SNX7: variants seen among roughly 807,000 people sequenced by gnomAD.
The protein encoded by SNX7 is sorting nexin 7.
A neutral mutation model predicts 48.4 loss-of-function variants in SNX7; 35 were observed. The ratio of observed to expected loss-of-function variants is 0.72; its 90% CI spans 0.55 to 0.96. The LOEUF is 0.96. SNX7 is among the 40% of genes least tolerant of loss of function. The pLI, the probability that SNX7 is intolerant of heterozygous loss-of-function variation, is 0.00. For missense variants in SNX7, 553 were observed against 548.9 expected (o/e 1.01, Z -0.07); for synonymous variants, 190 against 190.2 (o/e 1.00, Z 0.01).
intron 1 of SNX7, among the ~76,000 whole-genome samples, chr1:98,677,969 GTA>G (rs1396569612): frequency 6.7e-6 from 1 of 148,912 alleles, no homozygotes; most frequent in African/African-American, 2.5e-5. Flanking sequence ...ATCTAGAGCT[GTA>G]TGAGTCTGTG....
At chr1:98,690,290 A>G (rs1009904470) in intron 2 of SNX7, among the ~76,000 whole-genome samples, 8 of 152,106 alleles carry the variant, frequency 5.3e-5, no homozygotes, top group African/African-American at 1.7e-4. Flanking sequence ...GTGAGTGTAC[A>G]TTAGATAACT....
At chr1:98,724,259 C>T (rs911667953) in intron 7 of SNX7, among the ~76,000 whole-genome samples, 31 of 151,940 alleles carry the variant, frequency 2.0e-4, no homozygotes, top group Admixed American at 1.6e-3. Context: ...CTTGGGGCCC[C>T]GGGTAAACCC....
At chr1:98,696,862 A>T (rs1260696469) in intron 5 of SNX7, among the ~76,000 whole-genome samples, 1 of 152,098 alleles carries the variant, frequency 6.6e-6, no homozygotes, top group African/African-American at 2.4e-5. Flanking sequence ...TTGGTAGTTA[A>T]GAGCTTTATA....
intron 8 of SNX7, among the ~76,000 whole-genome samples, chr1:98,747,916 A>G (rs915341459): frequency 3.3e-5 from 5 of 150,330 alleles, no homozygotes; most frequent in Admixed American, 3.3e-4. Context: ...GTTTCCATCT[A>G]GTTTTGAACC....
chr1:98,711,213 C>T (rs1209969979), intron 7 of SNX7, among the ~76,000 whole-genome samples: 3 of 151,988 alleles, frequency 2.0e-5, no homozygotes, highest in African/African-American at 4.8e-5. Context: ...GACAGGGTTT[C>T]GCCATGTTGG....
intron 7 of SNX7, among the ~76,000 whole-genome samples, chr1:98,703,803 G>A (rs1651879779): frequency 6.6e-6 from 1 of 151,966 alleles, no homozygotes; most frequent in South Asian, 2.1e-4. Context: ...TGCATCTTTT[G>A]AATTTTAGAA....
At chr1:98,672,282 A>G (rs938661222) in intron 1 of SNX7, among the ~76,000 whole-genome samples, 2 of 151,776 alleles carry the variant, frequency 1.3e-5, no homozygotes, top group Non-Finnish European at 2.9e-5. Flanking sequence ...TGAAGCAGTA[A>G]CCCCTAACTG....
chr1:98,710,570 G>C (rs1652249196), intron 7 of SNX7, among the ~76,000 whole-genome samples: 2 of 152,158 alleles, frequency 1.3e-5, no homozygotes, highest in South Asian at 4.1e-4. Flanking sequence ...TTGGATTTGT[G>C]GTGTGTTTTA....
intron 2 of SNX7, among the ~76,000 whole-genome samples, chr1:98,685,857 C>G (rs895177031): frequency 1.3e-5 from 2 of 152,092 alleles, no homozygotes; most frequent in African/African-American, 4.8e-5. Context: ...TATCTTATTT[C>G]TTCACTTGAA....
chr1:98,689,083 T>G (rs1650968730), intron 2 of SNX7, among the ~76,000 whole-genome samples: 1 of 152,126 alleles, frequency 6.6e-6, no homozygotes, highest in Non-Finnish European at 1.5e-5. Context: ...TTTTGTATTT[T>G]TAGTAAAGAT....
At chr1:98,757,253 A>G (rs1002206510) in intron 8 of SNX7, among the ~76,000 whole-genome samples, 2 of 152,106 alleles carry the variant, frequency 1.3e-5, no homozygotes, top group Non-Finnish European at 2.9e-5. Context: ...GAACAGCCCA[A>G]TACAGATGCC....
At chr1:98,750,880 TTTGCTGTA>T (rs1654547486) in intron 8 of SNX7, among the ~76,000 whole-genome samples, 1 of 152,126 alleles carries the variant, frequency 6.6e-6, no homozygotes, top group Non-Finnish European at 1.5e-5. Flanking sequence ...AAATTTTATG[TTTGCTGTA>T]TTCCACGCTG....
chr1:98,695,629 A>G lies in SNX7; in HGVS notation c.751A>G (p.Met251Val), dbSNP rs1651414531. Reference protein sequence around the residue: ...RGVKNRPEEFMEMNNFIELFS... With the variant: ...RGVKNRPEEFVEMNNFIELFS... ...AGTTAAAAACCGCCCAGAGGAGTTC[A>G]TGGAAATGAATAACTTTATTGAACT... The change falls in exon 5 of 9, where the codon ATG (methionine) becomes GTG (valine). Residue 251 changes from methionine to valine, a missense_variant. Coordinates refer to ENST00000306121, the MANE Select transcript of SNX7 (RefSeq NM_015976.5). 2 of 1,613,282 alleles carry G rather than the reference A, an allele frequency of 1.2e-6. No homozygotes were observed. Among genetic ancestry groups the G allele is most frequent in the Non-Finnish European group, 8.5e-7 (1 of 1,179,198 alleles).
chr1:98,738,500 C>A, intron 8 of SNX7, 111 bp downstream of exon 8: 1 of 1,021,010 alleles, frequency 9.8e-7, no homozygotes, highest in Non-Finnish European at 1.4e-6. Context: ...ATTCTAATGC[C>A]TCTCTGGTAG....
intron 7 of SNX7, among the ~76,000 whole-genome samples, chr1:98,733,084 G>A (rs1653598308): frequency 6.6e-6 from 1 of 152,072 alleles, no homozygotes; most frequent in South Asian, 2.1e-4. Context: ...CTTGATTCCT[G>A]CTAGCCTCCA....
chr1:98,664,577 T>G (rs1649439490), intron 1 of SNX7, among the ~76,000 whole-genome samples: 1 of 152,146 alleles, frequency 6.6e-6, no homozygotes. Flanking sequence ...CACAACGTAT[T>G]ACAAGTACAT....
chr1:98,736,043 A>G (rs1241240977), intron 7 of SNX7, among the ~76,000 whole-genome samples: 1 of 152,290 alleles, frequency 6.6e-6, no homozygotes, highest in African/African-American at 2.4e-5. Flanking sequence ...AAAGGCTTTA[A>G]TGAGGGAGAT....
chr1:98,685,788 A>G (rs1199183987), intron 2 of SNX7, among the ~76,000 whole-genome samples: 1 of 152,086 alleles, frequency 6.6e-6, no homozygotes, highest in Non-Finnish European at 1.5e-5. Flanking sequence ...TGTTTCTATA[A>G]TCACTTCTTC....
chr1:98,676,430 C>T (rs907936291), intron 1 of SNX7, among the ~76,000 whole-genome samples: 1 of 152,098 alleles, frequency 6.6e-6, no homozygotes, highest in East Asian at 1.9e-4. Flanking sequence ...TTGTGTAATG[C>T]TTAAATGATC....
Sources: gnomAD v4.1 joint callset for allele counts (sites outside exome capture counted in the v4.1 genomes callset) on GRCh38, gnomAD v4.1.1 for gene constraint, MANE v1.5 for transcripts, NCBI Gene and HGNC (gene_info 2026-07-23, HGNC 2026-07-21) for gene names.